KCNU1: variants seen among roughly 807,000 people sequenced by gnomAD.
KCNU1 encodes the protein potassium channel subfamily U member 1.
A neutral mutation model predicts 126.8 loss-of-function variants in KCNU1; 93 were observed. The observed-to-expected ratio is 0.73, with a 90% CI of 0.62 to 0.87. The LOEUF is 0.87. Among genes scored for constraint, KCNU1 ranks in the 40% least tolerant of loss-of-function variants. The pLI, the probability that KCNU1 is intolerant of heterozygous loss-of-function variation, is 0.00. For missense variants in KCNU1, 1,330 were observed against 1,367.1 expected (o/e 0.97, Z 0.43); for synonymous variants, 523 against 494.2 (o/e 1.06, Z -0.77).
intron 19 of KCNU1, among the ~76,000 whole-genome samples, chr8:36,896,237 C>T (rs188995833): frequency 2.0e-4 from 31 of 151,990 alleles, no homozygotes; most frequent in East Asian, 1.2e-3. Context: ...TACATGATAT[C>T]GATTTAGCCT....
At chr8:36,915,579 C>A (rs1808066357) in intron 22 of KCNU1, among the ~76,000 whole-genome samples, 1 of 152,212 alleles carries the variant, frequency 6.6e-6, no homozygotes, top group African/African-American at 2.4e-5. Context: ...TGACTCATGG[C>A]AATTAAAGGA....
chr8:36,827,347 A>G (rs1378614131), intron 10 of KCNU1, among the ~76,000 whole-genome samples: 3 of 152,188 alleles, frequency 2.0e-5, no homozygotes, highest in African/African-American at 7.2e-5. Context: ...ATTTTGGAAA[A>G]GATATCAAAC....
At chr8:36,834,923 A>G (rs1248994976) in intron 12 of KCNU1, 55 bp downstream of exon 12, 1 of 1,126,590 alleles carries the variant, frequency 8.9e-7, no homozygotes, top group Non-Finnish European at 1.3e-6. Context: ...TCTCTTTTAA[A>G]GTAATGCCCG....
chr8:36,905,537 C>G (rs912269810), intron 19 of KCNU1, among the ~76,000 whole-genome samples, 171 bp from the exon 20 acceptor site: 1 of 151,486 alleles, frequency 6.6e-6, no homozygotes, highest in African/African-American at 2.4e-5. Flanking sequence ...AGTCTGGGCT[C>G]TTTGTGCTCT....
chr8:36,930,901 T>C (rs760301748), intron 24 of KCNU1, 50 bp from the exon 25 acceptor site: 3 of 1,382,942 alleles, frequency 2.2e-6, no homozygotes, highest in Non-Finnish European at 3.0e-6. Context: ...CCTCCACAGT[T>C]CACATATTGG....
intron 18 of KCNU1, among the ~76,000 whole-genome samples, chr8:36,848,301 AC>A (rs1211375539): frequency 6.6e-6 from 1 of 152,048 alleles, no homozygotes; most frequent in Non-Finnish European, 1.5e-5. Context: ...TTAATATAGC[AC>A]CATTTGTCTA....
intron 10 of KCNU1, among the ~76,000 whole-genome samples, chr8:36,827,996 G>T (rs1024239337): frequency 6.6e-6 from 1 of 151,796 alleles, no homozygotes; most frequent in East Asian, 1.9e-4. Flanking sequence ...TCTTCTTCAG[G>T]TTTGTAATTT....
At chr8:36,798,927 T>C (rs1260957572) in intron 2 of KCNU1, among the ~76,000 whole-genome samples, 1 of 152,220 alleles carries the variant, frequency 6.6e-6, no homozygotes, top group African/African-American at 2.4e-5. Flanking sequence ...AGAATAAATC[T>C]CGTCAAATAT....
intron 3 of KCNU1, among the ~76,000 whole-genome samples, chr8:36,804,950 A>G (rs1385032545): frequency 2.0e-5 from 3 of 152,228 alleles, no homozygotes. Flanking sequence ...TAGAACCAAT[A>G]CATCCTACAA....
chr8:36,905,080 G>C (rs1291484250), intron 19 of KCNU1, among the ~76,000 whole-genome samples: 2 of 152,154 alleles, frequency 1.3e-5, no homozygotes, highest in Non-Finnish European at 2.9e-5. Flanking sequence ...GTCAGGGATT[G>C]AATACATTAT....
chr8:36,861,225 TA>T (rs1805719262), intron 18 of KCNU1, among the ~76,000 whole-genome samples: 1 of 152,222 alleles, frequency 6.6e-6, no homozygotes, highest in Admixed American at 6.5e-5. Flanking sequence ...AACAAGTCTG[TA>T]AAGACCCTGC....
intron 18 of KCNU1, among the ~76,000 whole-genome samples, chr8:36,846,589 G>T (rs1805155331): frequency 6.6e-6 from 1 of 152,112 alleles, no homozygotes; most frequent in Non-Finnish European, 1.5e-5. Context: ...GGATCATGAG[G>T]TCAGGAATTC....
At chr8:36,786,158 T>C (rs1802703930) in intron 1 of KCNU1, among the ~76,000 whole-genome samples, 1 of 152,128 alleles carries the variant, frequency 6.6e-6, no homozygotes, top group African/African-American at 2.4e-5. Flanking sequence ...TGAAGAGTTA[T>C]TTTAAAAATT....
chr8:36,833,487 A>T, intron 10 of KCNU1, 67 bp from the exon 11 acceptor site: 2 of 901,578 alleles, frequency 2.2e-6, no homozygotes, highest in South Asian at 2.8e-5. Context: ...AATTAGTTAT[A>T]AAAACCTCTA....
chr8:36,864,108 T>C (rs1363618874), intron 18 of KCNU1, among the ~76,000 whole-genome samples: 1 of 152,106 alleles, frequency 6.6e-6, no homozygotes, highest in Non-Finnish European at 1.5e-5. Flanking sequence ...AGACATGCTG[T>C]AGCAAATGCA....
intron 2 of KCNU1, among the ~76,000 whole-genome samples, chr8:36,800,334 C>T (rs1803257245): frequency 1.3e-5 from 2 of 152,068 alleles, no homozygotes; most frequent in South Asian, 4.2e-4. Context: ...TTTTTTAGAT[C>T]CCATTGTGAA....
chr8:36,821,707 T>C (rs1021207721), intron 10 of KCNU1, among the ~76,000 whole-genome samples: 4 of 152,214 alleles, frequency 2.6e-5, no homozygotes, highest in East Asian at 1.9e-4. Flanking sequence ...TGGTTTATGA[T>C]GCTTTGACTT....
chr8:36,912,143 G>A (rs1382650856), intron 22 of KCNU1, among the ~76,000 whole-genome samples: 2 of 152,150 alleles, frequency 1.3e-5, no homozygotes, highest in Admixed American at 6.5e-5. Context: ...GACCACAGCT[G>A]TCCCACTTTG....
intron 22 of KCNU1, among the ~76,000 whole-genome samples, chr8:36,913,600 A>ATTT (rs11331239): frequency 2.3e-5 from 3 of 129,008 alleles, no homozygotes; most frequent in Non-Finnish European, 3.3e-5. Flanking sequence ...GTGAGGTCAC[A>ATTT]TTTTTTTTTT....
Sources: allele counts gnomAD v4.1 joint callset (sites outside exome capture counted in the v4.1 genomes callset), GRCh38; gene constraint gnomAD v4.1.1; transcripts MANE v1.5; gene names NCBI Gene and HGNC (gene_info 2026-07-23, HGNC 2026-07-21).